Variants in ENOX2 observed in about 807,000 individuals in gnomAD.
ENOX2 encodes ecto-NOX disulfide-thiol exchanger 2, also known as APK1 antigen.
ENOX2 carries 36 observed loss-of-function variants against 45.0 expected under a neutral mutation model. The observed-to-expected ratio is 0.80, with a 90% confidence interval of 0.61 to 1.06. ENOX2 has a LOEUF of 1.06. Ranked by LOEUF, ENOX2 falls within the 50% of genes least tolerant of loss-of-function variation. The pLI, the probability that ENOX2 is intolerant of heterozygous loss-of-function variation, is 0.00. For missense variants in ENOX2, 423 were observed against 462.5 expected (o/e 0.91, Z 0.78); for synonymous variants, 174 against 152.3 (o/e 1.14, Z -1.05).
intron 3 of ENOX2, among the ~76,000 whole-genome samples, chrX:130,750,157 G>A (rs900596608): frequency 9.0e-6 from 1 of 111,430 alleles, no homozygotes; most frequent in Non-Finnish European, 1.9e-5. Flanking sequence ...CCCTGTTTAA[G>A]TGTCCCTGTC....
At chrX:130,720,780 T>C (rs1401389495) in intron 3 of ENOX2, among the ~76,000 whole-genome samples, 1 of 111,733 alleles carries the variant, frequency 8.9e-6, no homozygotes, top group Non-Finnish European at 1.9e-5. Context: ...CTGAAGCTCT[T>C]TCCTCAGAGA....
chrX:130,882,333 GA>G (rs148363895), intron 2 of ENOX2, among the ~76,000 whole-genome samples: 4,263 of 79,617 alleles, frequency 0.054, 232 homozygotes, highest in African/African-American at 0.17. Flanking sequence ...TGTCTATTTG[GA>G]AAAAAAAAAA....
chrX:130,714,083 A>G (rs1603318048), intron 3 of ENOX2, among the ~76,000 whole-genome samples: 1 of 111,449 alleles, frequency 9.0e-6, no homozygotes, highest in East Asian at 2.8e-4. Context: ...CACTGCTACC[A>G]TGCTCTTGGA....
At chrX:130,812,901 T>C (rs1292118812) in intron 2 of ENOX2, among the ~76,000 whole-genome samples, 1 of 111,709 alleles carries the variant, frequency 9.0e-6, no homozygotes, top group Non-Finnish European at 1.9e-5. Context: ...CTTCAAAATG[T>C]ACTACAAAGC....
intron 10 of ENOX2, among the ~76,000 whole-genome samples, chrX:130,654,834 A>C (rs1408427262): frequency 8.9e-6 from 1 of 112,317 alleles, no homozygotes; most frequent in Non-Finnish European, 1.9e-5. Context: ...TCTGTGCAGT[A>C]GCCAATACAG....
intron 3 of ENOX2, among the ~76,000 whole-genome samples, chrX:130,764,816 A>T: frequency 8.9e-6 from 1 of 111,883 alleles, no homozygotes; most frequent in Non-Finnish European, 1.9e-5. Flanking sequence ...CTATAGAGTA[A>T]TTTCATAATT....
chrX:130,883,098 T>TTTTTG (rs958102455), intron 2 of ENOX2, among the ~76,000 whole-genome samples: 9 of 111,744 alleles, frequency 8.1e-5, no homozygotes, highest in Admixed American at 2.8e-4. Flanking sequence ...GTTAGTTTGT[T>TTTTTG]TTTTGTTTTG....
chrX:130,821,742 T>TAAAAA, intron 2 of ENOX2, among the ~76,000 whole-genome samples: 47 of 23,166 alleles, frequency 2.0e-3, no homozygotes, highest in Admixed American at 3.2e-3. Flanking sequence ...ATAAATAAAT[T>TAAAAA]AAAAAAAAAA....
chrX:130,860,859 A>C, intron 2 of ENOX2, among the ~76,000 whole-genome samples: 1 of 112,345 alleles, frequency 8.9e-6, no homozygotes, highest in South Asian at 3.7e-4. Context: ...AGAATGGAAG[A>C]AAATATTTAC....
intron 4 of ENOX2, among the ~76,000 whole-genome samples, chrX:130,701,342 A>T (rs2037892929): frequency 9.1e-6 from 1 of 110,478 alleles, no homozygotes; most frequent in African/African-American, 3.3e-5. Context: ...ATTTCAGTTT[A>T]AAACAATATA....
At position 130,832,093 on chromosome X, in the gene ENOX2, T is replaced by A. The variant is rs192282419; in HGVS notation, c.-182-48403A>T. Among the ~76,000 whole-genome samples, 298 of 110,777 alleles carry A rather than the reference T, an allele frequency of 2.7e-3. No individual in the cohort carries two copies. The Middle Eastern group carries it at 0.037, about 14-fold the overall frequency. ...AATTAAAAAAAAAAATCTACAAAAT[T>A]AAACCAGATGAGGGACAGGACCCTG... On this transcript the variant is annotated intron_variant, in intron 2 of 14. Coordinates refer to ENST00000394363, the MANE Select transcript of ENOX2 (RefSeq NM_006375.4).
At chrX:130,729,299 T>C (rs897398760) in intron 3 of ENOX2, among the ~76,000 whole-genome samples, 1 of 112,246 alleles carries the variant, frequency 8.9e-6, no homozygotes, top group Non-Finnish European at 1.9e-5. Context: ...AAAAAGCTTC[T>C]GAATCCTCAG....
intron 7 of ENOX2, 146 bp from the exon 8 acceptor site, chrX:130,667,888 GCA>G (rs199710076): frequency 0.012 from 5,178 of 438,632 alleles, 46 homozygotes; most frequent in East Asian, 0.041. Flanking sequence ...ACACACATGT[GCA>G]CACACAGGCA....
At chrX:130,662,141 CTTCA>C (rs1455693807) in intron 9 of ENOX2, among the ~76,000 whole-genome samples, 1 of 111,942 alleles carries the variant, frequency 8.9e-6, no homozygotes, top group Non-Finnish European at 1.9e-5. Flanking sequence ...AGGGGAGGGA[CTTCA>C]TTCAGCCTTC....
rs1214912937 is a variant in ENOX2, at chrX:130,624,732, GT to G, written c.*581del. The G allele has an allele frequency of 8.9e-6, 1 of 112,383 alleles. No homozygotes were observed. Among genetic ancestry groups the G allele is most frequent in the African/African-American group, 3.2e-5 (1 of 30,932 alleles). 9.3% of individuals were successfully genotyped at this position (112,383 alleles called of 1,213,427 possible). ...ACTTTGGAACATTTGTCAACTTTTG[GT>G]TCATAGTAATTTTGCAAAAAGCCAC... On this transcript the variant is annotated 3_prime_UTR_variant, in exon 15 of 15. Coordinates refer to ENST00000394363, the MANE Select transcript of ENOX2 (RefSeq NM_006375.4).
chrX:130,808,517 C>T (rs749412407), intron 2 of ENOX2, among the ~76,000 whole-genome samples: 1 of 111,962 alleles, frequency 8.9e-6, no homozygotes, highest in East Asian at 2.8e-4. Context: ...ATTCAGAAAG[C>T]AAGTTCCAAT....
At chrX:130,749,031 G>A (rs1333989564) in intron 3 of ENOX2, among the ~76,000 whole-genome samples, 1 of 111,643 alleles carries the variant, frequency 9.0e-6, no homozygotes, top group Non-Finnish European at 1.9e-5. Context: ...CAGGAGCTGG[G>A]CTAAGATCAT....
At chrX:130,710,294 T>C (rs965238746) in intron 3 of ENOX2, among the ~76,000 whole-genome samples, 3 of 111,957 alleles carry the variant, frequency 2.7e-5, no homozygotes, top group Non-Finnish European at 5.6e-5. Flanking sequence ...AAATTCATGC[T>C]CTTGACCACT....
At chrX:130,778,772 C>T (rs924953714) in intron 3 of ENOX2, among the ~76,000 whole-genome samples, 1 of 112,040 alleles carries the variant, frequency 8.9e-6, no homozygotes, top group Admixed American at 9.4e-5. Flanking sequence ...ACATGAACTT[C>T]GGCAATACTA....
Sources: gnomAD v4.1 joint callset for allele counts (sites outside exome capture counted in the v4.1 genomes callset) on GRCh38, gnomAD v4.1.1 for gene constraint, MANE v1.5 for transcripts, NCBI Gene and HGNC (gene_info 2026-07-23, HGNC 2026-07-21) for gene names.